Variants in IL1RAP observed in about 807,000 individuals in gnomAD.
IL1RAP encodes interleukin-1 receptor accessory protein.
In IL1RAP, 35 loss-of-function variants were observed where a neutral mutation model predicts 60.7. The observed-to-expected ratio is 0.58, with a 90% CI of 0.44 to 0.76. IL1RAP has a LOEUF of 0.76. Ranked by LOEUF, IL1RAP falls within the 30% of genes least tolerant of loss-of-function variation. The pLI, the probability that IL1RAP is intolerant of heterozygous loss-of-function variation, is 0.00. For missense variants in IL1RAP, 572 were observed against 693.9 expected (o/e 0.82, Z 1.97); for synonymous variants, 268 against 250.9 (o/e 1.07, Z -0.64).
At chr3:190,583,440 G>T (rs1728177052) in intron 3 of IL1RAP, among the ~76,000 whole-genome samples, 1 of 152,208 alleles carries the variant, frequency 6.6e-6, no homozygotes, top group Admixed American at 6.6e-5. Context: ...TGTAGTTACT[G>T]ATCTCTGTTT....
intron 3 of IL1RAP, among the ~76,000 whole-genome samples, chr3:190,580,942 G>A (rs967761625): frequency 6.6e-6 from 1 of 152,180 alleles, no homozygotes; most frequent in Non-Finnish European, 1.5e-5. Context: ...CTCACTTTAG[G>A]CACATCAAAT....
At chr3:190,534,648 T>A (rs887179838) in intron 1 of IL1RAP, among the ~76,000 whole-genome samples, 1 of 152,190 alleles carries the variant, frequency 6.6e-6, no homozygotes, top group African/African-American at 2.4e-5. Context: ...CAGACATGAC[T>A]CTTTTTCCTG....
intron 9 of IL1RAP, chr3:190,642,133 A>T (rs1380671153): frequency 6.6e-6 from 1 of 152,180 alleles, no homozygotes; most frequent in Non-Finnish European, 1.5e-5. Context: ...TTCTGCTTTG[A>T]ATAGATGCCT....
chr3:190,594,186 A>G (rs186452390), intron 3 of IL1RAP, among the ~76,000 whole-genome samples: 75 of 152,342 alleles, frequency 4.9e-4, no homozygotes, highest in African/African-American at 1.6e-3. Flanking sequence ...TCAATACATC[A>G]GGATGGGTTC....
chr3:190,615,971 A>G (rs1340675324), intron 5 of IL1RAP, among the ~76,000 whole-genome samples: 2 of 152,176 alleles, frequency 1.3e-5, no homozygotes, highest in Non-Finnish European at 1.5e-5. Context: ...CACTTCCTAT[A>G]TAGTGATTGG....
intron 1 of IL1RAP, among the ~76,000 whole-genome samples, chr3:190,524,345 G>A (rs1028596612): frequency 4.6e-5 from 7 of 152,054 alleles, no homozygotes; most frequent in East Asian, 3.9e-4. Context: ...TTGTGCACAA[G>A]CTCTTTAATT....
At position 190,627,380 on chromosome 3, in the gene IL1RAP, A is replaced by G. The variant is rs764021962; in HGVS notation, c.833A>G (p.Asn278Ser). ...TTTAGTTTTCTGATGGATTCTCGCA[A>G]TGAGGTTTGGTGGACCATTGATGGA... Reference protein sequence around the residue: ...VYFSFLMDSRNEVWWTIDGKK... With the variant: ...VYFSFLMDSRSEVWWTIDGKK... The change falls in exon 8 of 12, where the codon AAT becomes AGT. Residue 278 changes from asparagine (N) to serine (S), a missense_variant. Transcript: ENST00000447382. 39 of 1,613,382 alleles carry G rather than the reference A, an allele frequency of 2.4e-5. No homozygotes were observed. In the Admixed American group the frequency reaches 6.3e-4, roughly 26 times the overall value.
Position 190,620,402 on chromosome 3 carries a change from C to T in IL1RAP, c.665C>T (p.Thr222Met), listed in dbSNP as rs143309112. The T allele has an allele frequency of 9.9e-6, 16 of 1,612,478 alleles. 1 individual carries two copies. Among genetic ancestry groups the T allele is most frequent in the African/African-American group, 2.7e-5 (2 of 74,860 alleles). ...CVVTYPENGR[T>M]FHLTRTLTVK... Reference sequence around the variant, plus strand: ...GTTACATATCCAGAAAATGGACGTACGTTTCATCTCACCAGGACTCTGACT... The same window carrying T: ...GTTACATATCCAGAAAATGGACGTATGTTTCATCTCACCAGGACTCTGACT... The change falls in exon 6 of 12, where the codon ACG becomes ATG. Residue 222 changes from threonine (T) to methionine (M), a missense_variant. Transcript: ENST00000447382.
intron 1 of IL1RAP, among the ~76,000 whole-genome samples, chr3:190,527,159 A>G (rs1307285818): frequency 6.6e-6 from 1 of 152,176 alleles, no homozygotes; most frequent in African/African-American, 2.4e-5. Context: ...AGAAGACTAA[A>G]GTTTTGCCCC....
intron 3 of IL1RAP, among the ~76,000 whole-genome samples, chr3:190,578,897 C>T (rs769056406): frequency 2.0e-5 from 3 of 152,162 alleles, no homozygotes; most frequent in Non-Finnish European, 4.4e-5. Flanking sequence ...ATGGGAAAAA[C>T]CCGCACCTGT....
At chr3:190,572,571 C>T (rs142721944) in intron 3 of IL1RAP, among the ~76,000 whole-genome samples, 3 of 152,148 alleles carry the variant, frequency 2.0e-5, no homozygotes, top group Non-Finnish European at 4.4e-5. Context: ...GATGTAAACC[C>T]GGCTATATAC....
chr3:190,577,079 C>T (rs1490650800), intron 3 of IL1RAP, among the ~76,000 whole-genome samples: 2 of 123,432 alleles, frequency 1.6e-5, no homozygotes, highest in African/African-American at 6.4e-5. Flanking sequence ...CCCGCCTGGG[C>T]GACAGAGCGA....
intron 1 of IL1RAP, among the ~76,000 whole-genome samples, chr3:190,552,663 T>C (rs768871781): frequency 3.3e-5 from 5 of 152,160 alleles, no homozygotes; most frequent in African/African-American, 4.8e-5. Context: ...AGATCCTTCA[T>C]TTGGCAATCT....
intron 5 of IL1RAP, among the ~76,000 whole-genome samples, chr3:190,615,538 C>T (rs1731193729): frequency 6.6e-6 from 1 of 152,106 alleles, no homozygotes; most frequent in Non-Finnish European, 1.5e-5. Context: ...TCAAAAGAAC[C>T]ATTTTATTGG....
chr3:190,574,999 T>C (rs1054982599), intron 3 of IL1RAP, among the ~76,000 whole-genome samples: 6 of 152,098 alleles, frequency 3.9e-5, no homozygotes, highest in Non-Finnish European at 5.9e-5. Flanking sequence ...ATGAGTTTTT[T>C]TTTAACAGAC....
At chr3:190,540,226 A>C (rs80216040) in intron 1 of IL1RAP, among the ~76,000 whole-genome samples, 2 of 151,958 alleles carry the variant, frequency 1.3e-5, no homozygotes, top group South Asian at 4.1e-4. Flanking sequence ...TCCCATTCAC[A>C]TATCCCTCTC....
At chr3:190,591,088 A>G (rs1294716557) in intron 3 of IL1RAP, among the ~76,000 whole-genome samples, 3 of 152,222 alleles carry the variant, frequency 2.0e-5, no homozygotes, top group Non-Finnish European at 4.4e-5. Context: ...GTGAATCTCC[A>G]GAGCTTAAAC....
chr3:190,515,204 T>A (rs928787861), intron 1 of IL1RAP, among the ~76,000 whole-genome samples: 3 of 151,346 alleles, frequency 2.0e-5, no homozygotes, highest in African/African-American at 7.3e-5. Flanking sequence ...ACCTTTCCGA[T>A]ACTGGGTTTT....
Position 190,645,769 on chromosome 3 carries a change from C to G in IL1RAP, c.1272C>G (p.Thr424=), listed in dbSNP as rs1276768350. The G allele has an allele frequency of 1.9e-6, 3 of 1,612,624 alleles. No homozygotes were observed. The highest frequency in any genetic ancestry group is 2.7e-5 in the African/African-American group (2 of 74,808). ...NAEEEEFVLL[T]LRGVLENEFG... is the part of the protein sequence containing the mutation. ...AAGAAGAAGAATTTGTATTACTGAC[C>G]CTCCGTGGAGTTTTGGAGAATGAAT... is the stretch of plus-strand genomic sequence containing the variant. Residue 424 remains threonine (T), a synonymous_variant, in exon 11 of 12, where the codon ACC becomes ACG. Coordinates refer to ENST00000447382, the MANE Select transcript of IL1RAP (RefSeq NM_002182.4).
Sources: gnomAD v4.1 joint callset for allele counts (sites outside exome capture counted in the v4.1 genomes callset) on GRCh38, gnomAD v4.1.1 for gene constraint, MANE v1.5 for transcripts, NCBI Gene and HGNC (gene_info 2026-07-23, HGNC 2026-07-21) for gene names.